MTCL1: variants seen among roughly 807,000 people sequenced by gnomAD.
MTCL1 encodes the protein microtubule cross-linking factor 1.
A neutral mutation model predicts 141.4 loss-of-function variants in MTCL1; 79 were observed. The ratio of observed to expected loss-of-function variants is 0.56; its 90% CI spans 0.47 to 0.67. The LOEUF (loss-of-function observed/expected upper bound fraction) is 0.67. Ranked by LOEUF, MTCL1 falls within the 30% of genes least tolerant of loss-of-function variation. The probability of loss-of-function intolerance (pLI) is 0.00; values close to 1 mark genes in which losing one functional copy is unlikely to be tolerated. For missense variants in MTCL1, 2,177 were observed against 2,113.9 expected, an observed-to-expected ratio of 1.03 and a Z score of -0.59; for synonymous variants, 914 against 875.8, an observed-to-expected ratio of 1.04 and a Z score of -0.77.
Position 8,784,930 on chromosome 18 carries a change from C to T in MTCL1, c.1731+87C>T. The T allele has an allele frequency of 2.5e-6, 3 of 1,220,916 alleles. No individual in the cohort carries two copies. The South Asian group carries it at 4.6e-5, about 19-fold the overall frequency. The allele number at this position is 1,220,916 out of a possible 1,614,324, so 75.6% of individuals were successfully genotyped here. On this transcript the variant is annotated intron_variant, in intron 6 of 16. Transcript: ENST00000359865. ...TTGCTGCACTCGGGCTCACGCTGCT[C>T]ACGGCTGCTTGGTTATGATTTCAAA...
At chr18:8,809,052 C>T (rs1312681222) in intron 11 of MTCL1, among the ~76,000 whole-genome samples, 2 of 151,294 alleles carry the variant, frequency 1.3e-5, no homozygotes, top group African/African-American at 4.9e-5. Context: ...AAAAAAGTAT[C>T]ATGAAGAAAG....
intron 4 of MTCL1, among the ~76,000 whole-genome samples, chr18:8,775,521 C>A (rs59540844): frequency 0.03 from 4,518 of 151,934 alleles, 113 homozygotes; most frequent in South Asian, 0.056. Context: ...TGCAGTGAGC[C>A]GAGATTGCAC....
chr18:8,817,792 G>A (rs535433318), intron 12 of MTCL1, among the ~76,000 whole-genome samples: 2 of 152,178 alleles, frequency 1.3e-5, no homozygotes, highest in Non-Finnish European at 2.9e-5. Context: ...TTATTCAAAA[G>A]AGCAGTCAAT....
At chr18:8,826,338 G>A (rs117863598) in intron 15 of MTCL1, 106 bp downstream of exon 14, 54,438 of 1,117,008 alleles carry the variant, frequency 0.049, 1,563 homozygotes, top group Non-Finnish European at 0.057. Flanking sequence ...CTCAGGAATC[G>A]TCCATGATTG....
In MTCL1 at chr18:8,779,759, T is replaced by A. The variant is rs540262024; in HGVS notation, c.417+1867T>A. 3.9e-5 allele frequency among the ~76,000 whole-genome samples: 6 copies of A among 152,318 alleles called. No homozygotes were observed. The East Asian group carries it at 1.2e-3, about 29-fold the overall frequency. On this transcript the variant is annotated intron_variant, in intron 5 of 16. Transcript: ENST00000359865. The surrounding 1 kb of genome is among the most constrained non-coding windows in gnomAD (Gnocchi z 4.1). ...TCATAGTGCATGTGTGGTTGTTAAG[T>A]AGAAATGACAGCATGCTGTCATGCT...
At chr18:8,806,566 C>G (rs2076303094) in intron 10 of MTCL1, among the ~76,000 whole-genome samples, 1 of 152,146 alleles carries the variant, frequency 6.6e-6, no homozygotes, top group African/African-American at 2.4e-5. Context: ...CTCCTCAGGG[C>G]CCACAGCACC....
chr18:8,754,988 G>A (rs2096389667), intron 4 of MTCL1, among the ~76,000 whole-genome samples: 1 of 152,122 alleles, frequency 6.6e-6, no homozygotes, highest in Non-Finnish European at 1.5e-5. Flanking sequence ...GGTCCTGCAG[G>A]GGTTATCTTG....
At chr18:8,766,078 C>T (rs2096458334) in intron 4 of MTCL1, among the ~76,000 whole-genome samples, 1 of 152,196 alleles carries the variant, frequency 6.6e-6, no homozygotes, top group Non-Finnish European at 1.5e-5. Flanking sequence ...AAAGATCCAA[C>T]AACATCTGGA....
chr18:8,757,210 G>A (rs2096406392), intron 4 of MTCL1, among the ~76,000 whole-genome samples: 1 of 131,796 alleles, frequency 7.6e-6, no homozygotes, highest in Non-Finnish European at 1.5e-5. Flanking sequence ...TTTCATCCCA[G>A]GTTCAGAATT....
intron 7 of MTCL1, among the ~76,000 whole-genome samples, chr18:8,788,260 A>G (rs112162026): frequency 5.9e-5 from 9 of 152,074 alleles, no homozygotes; most frequent in African/African-American, 2.2e-4. Flanking sequence ...TCCCTTCTAC[A>G]TTTCCCTTGA....
chr18:8,829,691 C>G lies in MTCL1; in HGVS notation c.*18+727C>G, dbSNP rs1174042690. ...ACTCGAAGCCAGTAGTATCTGTTGT[C>G]AAATACAACAGATGTATCCCCATGA... On this transcript the variant is annotated intron_variant, in intron 16 of 16. Coordinates refer to ENST00000359865, the Ensembl canonical transcript of MTCL1. 3 of 985,094 alleles carry G rather than the reference C, an allele frequency of 3.0e-6. No homozygotes were observed. The African/African-American group carries it at 5.2e-5, about 17-fold the overall frequency. The allele number at this position is 985,094 out of a possible 1,614,324, so 61.0% of individuals were successfully genotyped here.
At chr18:8,799,516 T>C (rs1568061966) in intron 10 of MTCL1, among the ~76,000 whole-genome samples, 1 of 152,244 alleles carries the variant, frequency 6.6e-6, no homozygotes, top group Non-Finnish European at 1.5e-5. Flanking sequence ...GGGGAGAATT[T>C]AGGTCATGGA....
At chr18:8,763,753 T>A (rs976221029) in intron 4 of MTCL1, among the ~76,000 whole-genome samples, 5 of 152,212 alleles carry the variant, frequency 3.3e-5, no homozygotes, top group Admixed American at 6.5e-5. Flanking sequence ...AGAACACACA[T>A]CATCGGTTTT....
chr18:8,783,401 C>T (rs1434510713), intron 5 of MTCL1, 129 bp from the exon 5 acceptor site: 20 of 888,282 alleles, frequency 2.3e-5, no homozygotes, highest in East Asian at 1.1e-4. Context: ...TGTAACTCAG[C>T]GGCACCGATG....
chr18:8,798,463 C>T (rs2143924266), intron 10 of MTCL1, among the ~76,000 whole-genome samples, 172 bp downstream of exon 9: 1 of 152,298 alleles, frequency 6.6e-6, no homozygotes. Context: ...CTAGAAATCA[C>T]CTCATCAAAC....
chr18:8,718,403 T>A (rs2096144581), intron 2 of MTCL1, 21 bp from the exon 2 acceptor site: 1 of 1,610,380 alleles, frequency 6.2e-7, no homozygotes, highest in Non-Finnish European at 8.5e-7. Flanking sequence ...CTCATAAATC[T>A]TCTCTGTCTG....
Position 8,728,133 on chromosome 18 carries a change from T to C in MTCL1, c.357+7637T>C, listed in dbSNP as rs182875463. ...TTCATATGTTTTAGTATCATTTTAG[T>C]TTCATCTTTTTAAAATGACCTTTTA... On this transcript the variant is annotated intron_variant, in intron 4 of 16. Coordinates refer to ENST00000359865, the Ensembl canonical transcript of MTCL1. 3.8e-3 allele frequency among the ~76,000 whole-genome samples: 584 copies of C among 152,014 alleles called. 1 individual carries two copies. Among genetic ancestry groups the C allele is most frequent in the South Asian group, 0.015 (72 of 4,826 alleles).
At chr18:8,821,882 C>T (rs1472813730) in intron 14 of MTCL1, among the ~76,000 whole-genome samples, 2 of 152,098 alleles carry the variant, frequency 1.3e-5, no homozygotes, top group Non-Finnish European at 2.9e-5. Context: ...TTAAAAGCTC[C>T]ACTAAGAGAA....
chr18:8,809,912 C>T (rs1217405853), intron 11 of MTCL1: 6 of 274,896 alleles, frequency 2.2e-5, no homozygotes, highest in Non-Finnish European at 2.1e-5. Flanking sequence ...GAGGACGCTG[C>T]AGGACTGTGC....
Sources: gnomAD v4.1 joint callset for allele counts (sites outside exome capture counted in the v4.1 genomes callset) on GRCh38, gnomAD v4.1.1 for gene constraint, Gnocchi (gnomAD v3.1) non-coding constraint, MANE v1.5 for transcripts, NCBI Gene and HGNC (gene_info 2026-07-23, HGNC 2026-07-21) for gene names.